SMG1: variants seen among roughly 807,000 people sequenced by gnomAD.
SMG1 encodes serine/threonine-protein kinase SMG1.
SMG1 carries 22 observed loss-of-function variants against 419.9 expected under a neutral mutation model. The observed-to-expected ratio is 0.05, with a 90% CI of 0.04 to 0.07. The LOEUF is 0.07. Ranked by LOEUF, SMG1 falls within the 10% of genes least tolerant of loss-of-function variation. The pLI is 1.00. For synonymous variants in SMG1, 1,538 were observed against 1,553.5 expected (o/e 0.99, Z 0.23); for missense variants, 3,185 against 4,342.0 (o/e 0.73, Z 7.49).
chr16:18,919,171 A>G (rs1312075167), intron 1 of SMG1, among the ~76,000 whole-genome samples: 1 of 152,110 alleles, frequency 6.6e-6, no homozygotes, highest in Non-Finnish European at 1.5e-5. Flanking sequence ...TACTAAAAAT[A>G]CAAAAATTAG....
At position 18,885,525 on chromosome 16, in the gene SMG1, G is replaced by A. The variant is rs749577020; in HGVS notation, c.948+16C>T. 19 of 1,595,698 alleles carry A rather than the reference G, an allele frequency of 1.2e-5. No homozygotes were observed. Among genetic ancestry groups the A allele is most frequent in the South Asian group, 2.2e-5 (2 of 90,968 alleles). ...CCCCTCACCCCATGATCTGAAAAGCGGAATGAGGAACTCACCCTAAAATTA... is the reference window on the plus strand; with the variant it reads ...CCCCTCACCCCATGATCTGAAAAGCAGAATGAGGAACTCACCCTAAAATTA... On this transcript the variant is annotated intron_variant, in intron 7 of 62. Transcript: ENST00000446231.
intron 1 of SMG1, among the ~76,000 whole-genome samples, chr16:18,901,943 CAA>C (rs1212860915): frequency 2.0e-5 from 2 of 102,024 alleles, no homozygotes; most frequent in Admixed American, 1.4e-4. Context: ...AGACTATCTC[CAA>C]AAAAAAAAAG....
Position 18,925,934 on chromosome 16 carries a change from C to G in SMG1, c.92+16G>C. ...AGCCCGGGAGGTCGGGGCGGGGTCC[C>G]GGGCCGGTCACCCACCTGGGTTGCC... On this transcript the variant is annotated intron_variant, in intron 1 of 62. Transcript: ENST00000446231. The G allele has an allele frequency of 6.5e-7, 1 of 1,533,132 alleles. No individual in the cohort carries two copies. Among genetic ancestry groups the G allele is most frequent in the Non-Finnish European group, 8.7e-7 (1 of 1,143,838 alleles). The allele number at this position is 1,533,132 out of a possible 1,614,324, so 95.0% of individuals were successfully genotyped here. A position where few individuals can be genotyped will look rare whatever the true frequency, so the allele number is the denominator to read the frequency against.
chr16:18,812,980 C>A (rs2031617143), intron 60 of SMG1, among the ~76,000 whole-genome samples: 1 of 152,190 alleles, frequency 6.6e-6, no homozygotes, highest in African/African-American at 2.4e-5. Context: ...TCATCCATGT[C>A]CCTACAAAGG....
At chr16:18,831,868 G>A (rs895561624) in intron 51 of SMG1, among the ~76,000 whole-genome samples, 1 of 150,558 alleles carries the variant, frequency 6.6e-6, no homozygotes, top group African/African-American at 2.4e-5. Context: ...AAAGAAACAT[G>A]AGAAACAGGA....
At position 18,926,360 on chromosome 16, in the gene SMG1, C is replaced by A; in HGVS notation, c.-319G>T. On this transcript the variant is annotated 5_prime_UTR_variant, in exon 1 of 63. Coordinates refer to ENST00000446231, the MANE Select transcript of SMG1 (RefSeq NM_015092.5). ...TCGCCGGGGCCCCGGAGGACGAGGACGACGAGGAGCAGGCGGTGGCGGCAG... is the reference window on the plus strand; with the variant it reads ...TCGCCGGGGCCCCGGAGGACGAGGAAGACGAGGAGCAGGCGGTGGCGGCAG... The A allele has an allele frequency of 3.1e-6, 1 of 322,118 alleles. No homozygotes were observed. Among genetic ancestry groups the A allele is most frequent in the South Asian group, 6.2e-5 (1 of 16,022 alleles). The allele number at this position is 322,118 out of a possible 1,614,324, so 20.0% of individuals were successfully genotyped here.
intron 46 of SMG1, 122 bp downstream of exon 46, chr16:18,837,131 T>G (rs2033627672): frequency 1.1e-6 from 1 of 947,532 alleles, no homozygotes; most frequent in Non-Finnish European, 1.5e-6. Flanking sequence ...TTGCAGTCAC[T>G]GAGACAGCTT....
chr16:18,834,782 A>T, intron 49 of SMG1, 110 bp downstream of exon 49: 1 of 1,190,016 alleles, frequency 8.4e-7, no homozygotes, highest in Non-Finnish European at 1.2e-6. Context: ...CTGAAAAGCA[A>T]GTAAGCAGCT....
At chr16:18,909,393 G>A (rs1198221384) in intron 1 of SMG1, among the ~76,000 whole-genome samples, 2 of 151,334 alleles carry the variant, frequency 1.3e-5, no homozygotes, top group Admixed American at 6.6e-5. Flanking sequence ...ATAATCCTAG[G>A]CCAAGCCAGC....
intron 45 of SMG1, 40 bp downstream of exon 45, chr16:18,837,974 T>C (rs1567343167): frequency 1.3e-6 from 2 of 1,593,972 alleles, no homozygotes; most frequent in Non-Finnish European, 8.6e-7. Context: ...ACTCTATTAA[T>C]AAAAAGAAGA....
chr16:18,859,849 T>A (rs989293007), intron 26 of SMG1, 146 bp from the exon 27 acceptor site: 1 of 554,924 alleles, frequency 1.8e-6, no homozygotes, highest in Non-Finnish European at 3.2e-6. Flanking sequence ...TACTGAGAGC[T>A]ATATAAAAAT....
intron 9 of SMG1, among the ~76,000 whole-genome samples, chr16:18,882,694 C>A (rs2036451839): frequency 6.6e-6 from 1 of 152,284 alleles, no homozygotes; most frequent in Admixed American, 6.5e-5. Flanking sequence ...CTAAAAATCT[C>A]ATTCTAGGTA....
intron 1 of SMG1, among the ~76,000 whole-genome samples, chr16:18,915,522 G>T (rs1030762500): frequency 6.6e-6 from 1 of 152,076 alleles, no homozygotes; most frequent in Admixed American, 6.6e-5. Context: ...CACAAATATA[G>T]AGTGGATGCT....
chr16:18,910,352 T>A (rs1391448687), intron 1 of SMG1, among the ~76,000 whole-genome samples: 1 of 151,656 alleles, frequency 6.6e-6, no homozygotes, highest in Non-Finnish European at 1.5e-5. Flanking sequence ...TGCCTCAGCC[T>A]CCCAAATAGC....
At position 18,817,281 on chromosome 16, in the gene SMG1, C is replaced by A; in HGVS notation, c.10074+10G>T. 1 of 1,595,616 alleles carries A rather than the reference C, an allele frequency of 6.3e-7. No homozygotes were observed. The highest frequency in any genetic ancestry group is 8.5e-7 in the Non-Finnish European group (1 of 1,172,174). On this transcript the variant is annotated intron_variant, in intron 57 of 62. Transcript: ENST00000446231. ...CTTATTTAATCAAGTTTCTTTCCAC[C>A]AAGACTCACCACTCTCTGTAATAAA...
intron 1 of SMG1, among the ~76,000 whole-genome samples, chr16:18,923,501 G>C (rs1325086136): frequency 6.6e-6 from 1 of 151,840 alleles, no homozygotes; most frequent in East Asian, 1.9e-4. Context: ...AAAATTAGCT[G>C]GACGCCTGTA....
In SMG1 at chr16:18,849,259, T is replaced by G; in HGVS notation, c.5581A>C (p.Ile1861Leu). ...DSPHLILYPA[I>L]VGTISLSSES... ...CTACTAAGCGATATGGTACCCACTA[T>G]TGCAGGATACAATATGAGATGTGGG... Residue 1861 changes from isoleucine to leucine, a missense_variant, in exon 36 of 63, where the codon ATA becomes CTA. Physicochemically the swap from Ile to Leu is conservative, Grantham distance 5. This residue lies in a region of SMG1 where 130 missense variants were observed against 162.0 expected (regional missense o/e 0.80). Transcript: ENST00000446231. 1 of 1,613,618 alleles carries G rather than the reference T, an allele frequency of 6.2e-7. No homozygotes were observed. The highest frequency in any genetic ancestry group is 8.5e-7 in the Non-Finnish European group (1 of 1,179,670).
At chr16:18,835,794 G>C (rs558599250) in intron 48 of SMG1, 139 bp downstream of exon 48, 1 of 782,910 alleles carries the variant, frequency 1.3e-6, no homozygotes, top group South Asian at 1.8e-5. Context: ...AGCTACTCTG[G>C]AGGCTGAGGC....
chr16:18,816,354 C>G lies in SMG1; in HGVS notation c.10250G>C (p.Gly3417Ala), dbSNP rs1356751072. The G allele has an allele frequency of 1.9e-6, 3 of 1,613,900 alleles. No individual in the cohort carries two copies. In the East Asian group the frequency reaches 6.7e-5, roughly 36 times the overall value. The change falls in exon 58 of 63, where the codon GGT (glycine) becomes GCT (alanine). Residue 3417 changes from glycine (G) to alanine (A), a missense_variant. By Grantham distance (60) the Gly-to-Ala change is moderately conservative (BLOSUM62 0). Transcript: ENST00000446231. ...LVDNIKTVLT[G>A]HNRQLGDVKH... ...GACATCTCCAAGCTGTCGGTTATGA[C>G]CAGTGAGCACAGTCTTTATATTATC... is the stretch of plus-strand genomic sequence containing the variant.
Sources: gnomAD v4.1 joint callset for allele counts (sites outside exome capture counted in the v4.1 genomes callset) on GRCh38, gnomAD v4.1.1 for gene constraint, gnomAD v4.1.1 regional missense constraint, MANE v1.5 for transcripts, NCBI Gene and HGNC (gene_info 2026-07-23, HGNC 2026-07-21) for gene names.